Variants in TSHZ1 observed in about 807,000 individuals in gnomAD.
TSHZ1 encodes the protein teashirt homolog 1.
TSHZ1 carries 12 observed loss-of-function variants against 67.1 expected under a neutral mutation model. That is an observed-to-expected ratio of 0.18 (90% CI 0.11 to 0.29). The LOEUF is 0.29. Ranked by LOEUF, TSHZ1 falls within the 10% of genes least tolerant of loss-of-function variation. The probability of loss-of-function intolerance (pLI) is 1.00; values close to 1 mark genes in which losing one functional copy is unlikely to be tolerated. For missense variants in TSHZ1, 1,305 were observed against 1,413.9 expected (o/e 0.92, Z 1.23); for synonymous variants, 632 against 622.4 (o/e 1.02, Z -0.23).
chr18:75,246,216 A>G (rs1210440858), intron 1 of TSHZ1, among the ~76,000 whole-genome samples: 1 of 152,210 alleles, frequency 6.6e-6, no homozygotes, highest in Non-Finnish European at 1.5e-5. Flanking sequence ...TTGGAAGGAA[A>G]TTGGCCAGAT....
chr18:75,282,142 T>C (rs190812644), intron 1 of TSHZ1, among the ~76,000 whole-genome samples: 36 of 152,284 alleles, frequency 2.4e-4, no homozygotes, highest in Non-Finnish European at 4.6e-4. Context: ...CTGACACACA[T>C]TGGCGATGAG....
At chr18:75,221,540 C>T (rs2022845374) in intron 1 of TSHZ1, among the ~76,000 whole-genome samples, 1 of 152,178 alleles carries the variant, frequency 6.6e-6, no homozygotes, top group South Asian at 2.1e-4. Flanking sequence ...GGTTAATATG[C>T]CTTATTGGCA....
Position 75,285,522 on chromosome 18 carries a change from G to T in TSHZ1, c.115G>T (p.Asp39Tyr). 4.5e-6 allele frequency: 7 copies of T among 1,547,434 alleles called. No individual in the cohort carries two copies. Among genetic ancestry groups the T allele is most frequent in the South Asian group, 1.2e-5 (1 of 81,442 alleles). ...CGTGGAGGATGACGGGCTGTCTTTG[G>T]ACATTCAGGAAAGTGAGTACATGTG... ...EHVEDDGLSL[D>Y]IQESEYMCNE... The change falls in exon 2 of 2, where the codon GAC (aspartate) becomes TAC (tyrosine). Residue 39 changes from aspartate (D) to tyrosine (Y), a missense_variant. Physicochemically the swap from Asp to Tyr is radical, Grantham distance 160 (BLOSUM62 -3). Coordinates refer to ENST00000580243, the MANE Select transcript of TSHZ1 (RefSeq NM_001308210.2).
In TSHZ1 at chr18:75,235,588, A is replaced by G. The variant is rs182364487; in HGVS notation, c.40+23672A>G. Among the ~76,000 whole-genome samples, 1,004 of 152,346 alleles carry G rather than the reference A, an allele frequency of 6.6e-3. 12 individuals carry two copies. The highest frequency in any genetic ancestry group is 0.023 in the African/African-American group (963 of 41,570). On this transcript the variant is annotated intron_variant, in intron 1 of 1. Coordinates refer to ENST00000580243, the MANE Select transcript of TSHZ1 (RefSeq NM_001308210.2). ...TTTCTTGACAGTTCAAGGACAAAGT[A>G]AAAGCAGCTAAGAAGGTCCTTAAGG...
At position 75,287,044 on chromosome 18, in the gene TSHZ1, A is replaced by C; in HGVS notation, c.1637A>C (p.Lys546Thr). Residue 546 changes from lysine to threonine, a missense_variant, in exon 2 of 2, where the codon AAG (lysine) becomes ACG (threonine). Lys to Thr is a moderately conservative substitution (Grantham distance 78). Coordinates refer to ENST00000580243, the MANE Select transcript of TSHZ1 (RefSeq NM_001308210.2). This position sits in a 1 kb window ranked among gnomAD's most constrained non-coding sequence, Gnocchi z 5.0. ...GAGGAGGACCTGGACGACAGCCCCA[A>C]GGGAGGGCTGGACATTCTCAAGTCC... Reference protein sequence around the residue: ...LREEDLDDSPKGGLDILKSLE... With the variant: ...LREEDLDDSPTGGLDILKSLE... 6.2e-7 allele frequency: 1 copy of C among 1,614,014 alleles called. No homozygotes were observed. Among genetic ancestry groups the C allele is most frequent in the Non-Finnish European group, 8.5e-7 (1 of 1,179,994 alleles).
rs545226354 is a variant in TSHZ1, at chr18:75,252,686, T to G, written c.41-32762T>G. Among the ~76,000 whole-genome samples, 6 of 152,308 alleles carry G rather than the reference T, an allele frequency of 3.9e-5. No individual in the cohort carries two copies. In the East Asian group the frequency reaches 1.2e-3, roughly 29 times the overall value. ...TTATTTAAAAATCTGTTTTTCCTAA[T>G]TGGAATTCTAAATGCTAACTTCATT... On this transcript the variant is annotated intron_variant, in intron 1 of 1. Transcript: ENST00000580243.
In TSHZ1 at chr18:75,288,446, T is replaced by C. The variant is rs999298518; in HGVS notation, c.3039T>C (p.Asn1013=). The C allele has an allele frequency of 6.2e-7, 1 of 1,614,216 alleles. No individual in the cohort carries two copies. The highest frequency in any genetic ancestry group is 8.5e-7 in the Non-Finnish European group (1 of 1,180,042). The change falls in exon 2 of 2, where the codon AAT becomes AAC. Residue 1013 remains asparagine (N), a synonymous_variant. Transcript: ENST00000580243. This position sits in a 1 kb window ranked among gnomAD's most constrained non-coding sequence, Gnocchi z 4.9. ...LPLNQIQEQQ[N]VSKVLTNKTL... ...TCAATCAGATTCAAGAACAGCAGAA[T>C]GTTTCGAAAGTCCTCACCAACAAAA...
chr18:75,237,119 G>A (rs1228560031), intron 1 of TSHZ1, among the ~76,000 whole-genome samples: 1 of 152,198 alleles, frequency 6.6e-6, no homozygotes, highest in Non-Finnish European at 1.5e-5. Context: ...TCAACAGTGA[G>A]TTCAGCCAAA....
chr18:75,232,196 A>C (rs1188169865), intron 1 of TSHZ1, among the ~76,000 whole-genome samples: 3 of 152,218 alleles, frequency 2.0e-5, no homozygotes, highest in Admixed American at 2.0e-4. Context: ...TACAGGCGTG[A>C]GCCACTGCGC....
chr18:75,238,910 C>T (rs540312064), intron 1 of TSHZ1, among the ~76,000 whole-genome samples: 4 of 152,342 alleles, frequency 2.6e-5, no homozygotes, highest in African/African-American at 7.2e-5. Context: ...TAGCCTGGGT[C>T]GTGGGAAGTG....
At chr18:75,238,857 C>CCTGCATCTTTGG (rs2023117205) in intron 1 of TSHZ1, among the ~76,000 whole-genome samples, 1 of 152,244 alleles carries the variant, frequency 6.6e-6, no homozygotes, top group South Asian at 2.1e-4. Flanking sequence ...CATCTGTTTT[C>CCTGCATCTTTGG]CTGCATCTTT....
At chr18:75,240,257 G>T (rs1460129787) in intron 1 of TSHZ1, among the ~76,000 whole-genome samples, 5 of 152,034 alleles carry the variant, frequency 3.3e-5, no homozygotes, top group Non-Finnish European at 7.4e-5. Flanking sequence ...ATGGTTTTAG[G>T]ATCTCAATTT....
rs752245001 is a variant in TSHZ1 at position 75,288,535 on chromosome 18, A to G, written c.3128A>G (p.Asn1043Ser). Residue 1043 changes from asparagine (N) to serine (S), a missense_variant, in exon 2 of 2, where the codon AAC becomes AGC. By Grantham distance (46) the Asn-to-Ser change is conservative. This residue lies in a region of TSHZ1 where 909 missense variants were observed against 961.8 expected (regional missense o/e 0.95). Transcript: ENST00000580243. The surrounding 1 kb of genome is among the most constrained non-coding windows in gnomAD (Gnocchi z 4.9). The part of the protein sequence containing the change: ...LGSTFQCKLC[N>S]RTFASKHAVK... The stretch of plus-strand genomic sequence containing the variant: ...TCCACATTCCAATGTAAGCTCTGCA[A>G]CCGGACTTTTGCGAGCAAGCACGCA... 2.8e-5 allele frequency: 46 copies of G among 1,614,126 alleles called. No individual in the cohort carries two copies. The highest frequency in any genetic ancestry group is 3.8e-5 in the Non-Finnish European group (45 of 1,180,058).
rs759158783 is a variant in TSHZ1, at chr18:75,287,253, G to A, written c.1846G>A (p.Glu616Lys). 34 of 1,613,822 alleles carry A rather than the reference G, an allele frequency of 2.1e-5. No homozygotes were observed. Among genetic ancestry groups the A allele is most frequent in the African/African-American group, 2.7e-5 (2 of 74,914 alleles). Residue 616 changes from glutamate (E) to lysine (K), a missense_variant, in exon 2 of 2, where the codon GAG becomes AAG. Transcript: ENST00000580243. This position sits in a 1 kb window ranked among gnomAD's most constrained non-coding sequence, Gnocchi z 5.0. ...AGGVKSLSSAEHNALLHSPGS... is the reference protein window; with the variant it reads ...AGGVKSLSSAKHNALLHSPGS... ...CGGCGTGAAGTCGCTGTCTTCCGCC[G>A]AGCACAACGCCCTCCTGCACTCCCC...
chr18:75,229,598 G>A (rs8093999), intron 1 of TSHZ1, among the ~76,000 whole-genome samples: 1 of 152,166 alleles, frequency 6.6e-6, no homozygotes, highest in Admixed American at 6.5e-5. Flanking sequence ...AGGGACTGAA[G>A]CCCCTCCTTG....
intron 1 of TSHZ1, among the ~76,000 whole-genome samples, chr18:75,230,887 A>G (rs770844965): frequency 6.6e-6 from 1 of 152,214 alleles, no homozygotes; most frequent in Non-Finnish European, 1.5e-5. Context: ...TGCAAGCTGC[A>G]TGGGATGGAT....
At chr18:75,234,887 T>C (rs1408566783) in intron 1 of TSHZ1, among the ~76,000 whole-genome samples, 1 of 152,264 alleles carries the variant, frequency 6.6e-6, no homozygotes, top group Non-Finnish European at 1.5e-5. Context: ...ATTGTAGATA[T>C]TGTGGTGCAC....
In TSHZ1 at chr18:75,288,850, T is replaced by G. The variant is rs2023823872; in HGVS notation, c.*209T>G. The G allele has an allele frequency of 1.4e-6, 1 of 730,106 alleles. No individual in the cohort carries two copies. The highest frequency in any genetic ancestry group is 2.0e-6 in the Non-Finnish European group (1 of 498,734). 45.2% of individuals were successfully genotyped at this position (730,106 alleles called of 1,614,324 possible). A position where few individuals can be genotyped will look rare whatever the true frequency, so the allele number is the denominator to read the frequency against. On this transcript the variant is annotated 3_prime_UTR_variant, in exon 2 of 2. Transcript: ENST00000580243. The surrounding 1 kb of genome is among the most constrained non-coding windows in gnomAD (Gnocchi z 4.9). Reference sequence around the variant, plus strand: ...TTTTTCCGTGAGTCAAAGTCTGACCTTTATTTTCAACATCTGTTCTTGGTG... The same window carrying G: ...TTTTTCCGTGAGTCAAAGTCTGACCGTTATTTTCAACATCTGTTCTTGGTG...
chr18:75,281,483 CGGGCCCTACATG>C lies in TSHZ1; in HGVS notation c.41-3959_41-3948del. On this transcript the variant is annotated intron_variant, in intron 1 of 1. Transcript: ENST00000580243. The surrounding 1 kb of genome is among the most constrained non-coding windows in gnomAD (Gnocchi z 5.3). ...TGGCAGAACAGTGGGGCTCCTTCCA[CGGGCCCTACATG>C]GGGCCAGGCCCTGAAAGCACCATGG... 6.6e-6 allele frequency among the ~76,000 whole-genome samples: 1 copy of C among 152,166 alleles called. No homozygotes were observed. Among genetic ancestry groups the C allele is most frequent in the African/African-American group, 2.4e-5 (1 of 41,428 alleles).
Sources: allele counts gnomAD v4.1 joint callset (sites outside exome capture counted in the v4.1 genomes callset), GRCh38; gene constraint gnomAD v4.1.1; regional missense constraint gnomAD v4.1.1; non-coding constraint Gnocchi (gnomAD v3.1); transcripts MANE v1.5; gene names NCBI Gene and HGNC (gene_info 2026-07-23, HGNC 2026-07-21).